The following LPCAT1 variants were observed in gnomAD, a reference collection of about 807,000 sequenced individuals.
LPCAT1 encodes the protein 1-acylglycerol-3-phosphate O-acyltransferase.
Under a neutral mutation model 60.9 loss-of-function variants are expected in LPCAT1, and 23 were observed. The observed-to-expected ratio is 0.38, with a 90% CI of 0.27 to 0.53. The LOEUF is 0.53. LPCAT1 is among the 20% of genes least tolerant of loss of function. The pLI, the probability that LPCAT1 is intolerant of heterozygous loss-of-function variation, is 0.82. For synonymous variants in LPCAT1, 340 were observed against 301.1 expected (o/e 1.13, Z -1.34); for missense variants, 622 against 723.6 (o/e 0.86, Z 1.61).
At position 1,495,340 on chromosome 5, in the gene LPCAT1, G is replaced by A. The variant is rs1042160419; in HGVS notation, c.279-426C>T. Among the ~76,000 whole-genome samples the A allele has an allele frequency of 2.0e-5, 3 of 151,466 alleles. No individual in the cohort carries two copies. Among genetic ancestry groups the A allele is most frequent in the Admixed American group, 6.6e-5 (1 of 15,214 alleles). On this transcript the variant is annotated intron_variant, in intron 2 of 13. Transcript: ENST00000283415. The surrounding 1 kb of genome is among the most constrained non-coding windows in gnomAD (Gnocchi z 4.7). ...ACGCATATCGCAATATGGGGGGGGG[G>A]GCGCTCAGAGCTGAGGGCGGAAGCT...
chr5:1,495,386 C>T lies in LPCAT1; in HGVS notation c.279-472G>A, dbSNP rs1332681012. On this transcript the variant is annotated intron_variant, in intron 2 of 13. Coordinates refer to ENST00000283415, the MANE Select transcript of LPCAT1 (RefSeq NM_024830.5). This position sits in a 1 kb window ranked among gnomAD's most constrained non-coding sequence, Gnocchi z 4.7. The stretch of plus-strand genomic sequence containing the variant: ...AAGCTGAGACCTGCGTGCGAACTTC[C>T]CCATCTCATCTCCACAGGAAGCCCG... Among the ~76,000 whole-genome samples, 1 of 152,096 alleles carries T rather than the reference C, an allele frequency of 6.6e-6. No individual in the cohort carries two copies. Among genetic ancestry groups the T allele is most frequent in the Non-Finnish European group, 1.5e-5 (1 of 68,028 alleles).
intron 4 of LPCAT1, among the ~76,000 whole-genome samples, chr5:1,488,928 G>C (rs10038963): frequency 1.3e-5 from 2 of 152,206 alleles, no homozygotes; most frequent in East Asian, 3.8e-4. Context: ...CAGGAGAGCC[G>C]AGCCCCAGTC....
At chr5:1,515,621 C>A (rs1736485792) in intron 1 of LPCAT1, among the ~76,000 whole-genome samples, 1 of 151,780 alleles carries the variant, frequency 6.6e-6, no homozygotes, top group Non-Finnish European at 1.5e-5. Context: ...TGGGACCCTC[C>A]CCCACCTCCC....
rs1368377861 is a variant in LPCAT1 at position 1,496,070 on chromosome 5, T to C, written c.279-1156A>G. Among the ~76,000 whole-genome samples, 7 of 152,204 alleles carry C rather than the reference T, an allele frequency of 4.6e-5. No individual in the cohort carries two copies. The highest frequency in any genetic ancestry group is 4.6e-4 in the Admixed American group (7 of 15,276). On this transcript the variant is annotated intron_variant, in intron 2 of 13. Coordinates refer to ENST00000283415, the MANE Select transcript of LPCAT1 (RefSeq NM_024830.5). This position sits in a 1 kb window ranked among gnomAD's most constrained non-coding sequence, Gnocchi z 4.7. ...CTGTTCAGCTGCATATTTAAAAATG[T>C]ACTTTTCTGGCCAGGCATGGTGGCT...
At chr5:1,498,883 C>G (rs1735904289) in intron 2 of LPCAT1, among the ~76,000 whole-genome samples, 1 of 152,202 alleles carries the variant, frequency 6.6e-6, no homozygotes, top group South Asian at 2.1e-4. Flanking sequence ...GTACCTACTC[C>G]CGTGCATGCA....
intron 10 of LPCAT1, 98 bp downstream of exon 10, chr5:1,474,462 C>A: frequency 7.3e-7 from 1 of 1,378,586 alleles, no homozygotes. Flanking sequence ...TAATAATTAT[C>A]TCCTCAGTTC....
intron 5 of LPCAT1, among the ~76,000 whole-genome samples, chr5:1,484,099 C>T (rs1735280034): frequency 6.6e-6 from 1 of 152,242 alleles, no homozygotes; most frequent in African/African-American, 2.4e-5. Flanking sequence ...CAAGGACGGG[C>T]GGATTTGGTC....
chr5:1,479,540 C>T, intron 8 of LPCAT1, 81 bp downstream of exon 8: 2 of 1,020,404 alleles, frequency 2.0e-6, no homozygotes, highest in Non-Finnish European at 3.1e-6. Context: ...TTGTACAAGG[C>T]TTATCTGGGC....
intron 1 of LPCAT1, among the ~76,000 whole-genome samples, chr5:1,505,388 T>C (rs1736151008): frequency 6.7e-6 from 1 of 149,296 alleles, no homozygotes; most frequent in African/African-American, 2.5e-5. Context: ...CACCACAGAG[T>C]GCGGAATAAA....
chr5:1,503,965 T>C (rs550821825), intron 1 of LPCAT1, among the ~76,000 whole-genome samples: 1 of 152,346 alleles, frequency 6.6e-6, no homozygotes, highest in East Asian at 1.9e-4. Context: ...CCAGATATTT[T>C]TCTATTTTAT....
In LPCAT1 at chr5:1,480,101, A is replaced by G. The variant is rs888657837; in HGVS notation, c.762-426T>C. Among the ~76,000 whole-genome samples, 32 of 151,724 alleles carry G rather than the reference A, an allele frequency of 2.1e-4. No individual in the cohort carries two copies. The highest frequency in any genetic ancestry group is 7.3e-4 in the African/African-American group (30 of 41,252). On this transcript the variant is annotated intron_variant, in intron 7 of 13. Transcript: ENST00000283415. This position sits in a 1 kb window ranked among gnomAD's most constrained non-coding sequence, Gnocchi z 6.4. ...CCATGCCTTTGCCGCAGGAGTTGAC[A>G]TGGGAGACATTTGGAGCTGCTCCCA... is the stretch of plus-strand genomic sequence containing the variant.
chr5:1,470,843 T>C lies in LPCAT1; in HGVS notation c.1261A>G (p.Ile421Val), dbSNP rs1734638952. The C allele has an allele frequency of 1.2e-6, 2 of 1,613,708 alleles. No individual in the cohort carries two copies. Among genetic ancestry groups the C allele is most frequent in the Non-Finnish European group, 1.7e-6 (2 of 1,179,944 alleles). ...GCACTCACCTTGAAAGCCAGCTGGATGGTGTCCAGGGTCCGGGCCGGCCGG... is the reference window on the plus strand; with the variant it reads ...GCACTCACCTTGAAAGCCAGCTGGACGGTGTCCAGGGTCCGGGCCGGCCGG... Reference protein sequence around the residue: ...VCRPARTLDTIQLAFKMYGAQ... With the variant: ...VCRPARTLDTVQLAFKMYGAQ... Residue 421 changes from isoleucine (I) to valine (V), a missense_variant, in exon 12 of 14, where the codon ATC becomes GTC. By Grantham distance (29) the Ile-to-Val change is conservative (BLOSUM62 3). Transcript: ENST00000283415.
At position 1,502,151 on chromosome 5, in the gene LPCAT1, C is replaced by A. The variant is rs895190431; in HGVS notation, c.136-548G>T. ...CTTACTGGAGCTGCCATGCGAGTGG[C>A]TTGGGAAAGACACAGTGGAGCTTCC... On this transcript the variant is annotated intron_variant, in intron 1 of 13. Transcript: ENST00000283415. The surrounding 1 kb of genome is among the most constrained non-coding windows in gnomAD (Gnocchi z 5.5). Among the ~76,000 whole-genome samples the A allele has an allele frequency of 2.0e-5, 3 of 152,218 alleles. No individual in the cohort carries two copies. The highest frequency in any genetic ancestry group is 7.2e-5 in the African/African-American group (3 of 41,466).
Position 1,477,696 on chromosome 5 carries a change from T to A in LPCAT1, c.817-210A>T, listed in dbSNP as rs1249498812. Among the ~76,000 whole-genome samples, 4 of 152,074 alleles carry A rather than the reference T, an allele frequency of 2.6e-5. No homozygotes were observed. Among genetic ancestry groups the A allele is most frequent in the Admixed American group, 6.5e-5 (1 of 15,270 alleles). ...CACGTGTGCACCTGAACACTCACCC[T>A]CATTGGTGCTCCCTGGGAGCACCTG... On this transcript the variant is annotated intron_variant, in intron 8 of 13. Coordinates refer to ENST00000283415, the MANE Select transcript of LPCAT1 (RefSeq NM_024830.5). This position sits in a 1 kb window ranked among gnomAD's most constrained non-coding sequence, Gnocchi z 6.0.
At chr5:1,478,154 G>T (rs1300604542) in intron 8 of LPCAT1, among the ~76,000 whole-genome samples, 5 of 152,254 alleles carry the variant, frequency 3.3e-5, no homozygotes, top group Non-Finnish European at 4.4e-5. Flanking sequence ...GAAACTAAAA[G>T]AAATTGTCCA....
Position 1,521,796 on chromosome 5 carries a change from C to A in LPCAT1, c.135+1914G>T, listed in dbSNP as rs1736686139. ...CGGGACCAGGAGCCTCTCGATGACC[C>A]CCTGCCCAAGAGCCACTGGGAGCAG... is the stretch of plus-strand genomic sequence containing the variant. On this transcript the variant is annotated intron_variant, in intron 1 of 13. Coordinates refer to ENST00000283415, the MANE Select transcript of LPCAT1 (RefSeq NM_024830.5). This position sits in a 1 kb window ranked among gnomAD's most constrained non-coding sequence, Gnocchi z 4.3. 1.3e-5 allele frequency among the ~76,000 whole-genome samples: 2 copies of A among 152,168 alleles called. No homozygotes were observed. Among genetic ancestry groups the A allele is most frequent in the African/African-American group, 4.8e-5 (2 of 41,444 alleles).
intron 3 of LPCAT1, 123 bp from the exon 4 acceptor site, chr5:1,489,981 T>C: frequency 1.4e-6 from 1 of 728,082 alleles, no homozygotes; most frequent in South Asian, 1.6e-5. Context: ...CCCCAGGGGC[T>C]GTGCCATGGG....
Position 1,492,364 on chromosome 5 carries a change from G to A in LPCAT1, c.493+2336C>T, listed in dbSNP as rs558144283. Among the ~76,000 whole-genome samples the A allele has an allele frequency of 3.9e-5, 6 of 152,224 alleles. No individual in the cohort carries two copies. The East Asian group carries it at 9.7e-4, about 24-fold the overall frequency. ...ACGTCTCTGAGCTGGGACCTGGGGA[G>A]ATGGTTTTGAGCTGGAGCCTGGGGA... On this transcript the variant is annotated intron_variant, in intron 3 of 13. Coordinates refer to ENST00000283415, the MANE Select transcript of LPCAT1 (RefSeq NM_024830.5).
intron 1 of LPCAT1, among the ~76,000 whole-genome samples, chr5:1,517,873 C>T (rs940677613): frequency 6.6e-5 from 10 of 152,204 alleles, no homozygotes; most frequent in East Asian, 1.9e-4. Context: ...CCTCCCCACA[C>T]GGGGGACGAG....
Sources: gnomAD v4.1 joint callset for allele counts (sites outside exome capture counted in the v4.1 genomes callset) on GRCh38, gnomAD v4.1.1 for gene constraint, Gnocchi (gnomAD v3.1) non-coding constraint, MANE v1.5 for transcripts, NCBI Gene and HGNC (gene_info 2026-07-23, HGNC 2026-07-21) for gene names.